Variants in GCNT2 observed in about 807,000 individuals in gnomAD.
The protein encoded by GCNT2 is N-acetyllactosaminide beta-1,6-N-acetylglucosaminyl-transferase.
GCNT2 carries 34 observed loss-of-function variants against 34.2 expected under a neutral mutation model. The ratio of observed to expected loss-of-function variants is 1.00; its 90% confidence interval spans 0.76 to 1.32. GCNT2 has a LOEUF of 1.32. GCNT2 is among the 40% of genes most tolerant of loss of function. The pLI is 0.00. For missense variants in GCNT2, 584 were observed against 489.4 expected (o/e 1.19, Z -1.82); for synonymous variants, 212 against 188.0 (o/e 1.13, Z -1.04).
intron 1 of GCNT2, among the ~76,000 whole-genome samples, chr6:10,526,139 T>C (rs1010937693): frequency 4.6e-5 from 7 of 152,324 alleles, no homozygotes; most frequent in South Asian, 2.1e-4. Context: ...TTTGTATGCG[T>C]TCTGTATTGA....
chr6:10,530,379 A>T (rs918447025), intron 3 of GCNT2: 1 of 153,010 alleles, frequency 6.5e-6, no homozygotes, highest in African/African-American at 2.4e-5. Flanking sequence ...TAAATAAATA[A>T]ATAAAATGTA....
At chr6:10,588,904 G>T (rs1764482215) in intron 3 of GCNT2, among the ~76,000 whole-genome samples, 1 of 106,332 alleles carries the variant, frequency 9.4e-6, no homozygotes, top group South Asian at 3.4e-4. Flanking sequence ...TGTGTTGTGT[G>T]GTGTGTGTGT....
At chr6:10,543,887 T>C (rs1244489301) in intron 3 of GCNT2, among the ~76,000 whole-genome samples, 1 of 152,196 alleles carries the variant, frequency 6.6e-6, no homozygotes, top group East Asian at 1.9e-4. Flanking sequence ...TACATTTGAA[T>C]TTAAAATGGA....
intron 3 of GCNT2, among the ~76,000 whole-genome samples, chr6:10,615,361 C>T (rs909866320): frequency 6.6e-6 from 1 of 152,152 alleles, no homozygotes; most frequent in Non-Finnish European, 1.5e-5. Context: ...GTTACCCAGG[C>T]TAAAGTGCAG....
At chr6:10,550,679 CACT>C (rs1411283128) in intron 3 of GCNT2, among the ~76,000 whole-genome samples, 1 of 152,068 alleles carries the variant, frequency 6.6e-6, no homozygotes, top group African/African-American at 2.4e-5. Flanking sequence ...GACAAGGTCT[CACT>C]ATGTTGCTCA....
intron 3 of GCNT2, among the ~76,000 whole-genome samples, chr6:10,533,195 AC>A (rs1761581566): frequency 6.6e-6 from 1 of 151,476 alleles, no homozygotes; most frequent in South Asian, 2.1e-4. Flanking sequence ...AATCCCAGCT[AC>A]TCGGGAGGCT....
At chr6:10,587,031 A>T in intron 3 of GCNT2, 1 of 789,708 alleles carries the variant, frequency 1.3e-6, no homozygotes, top group Non-Finnish European at 2.1e-6. Flanking sequence ...GAAAACTATT[A>T]GTTTGGTTGC....
intron 3 of GCNT2, among the ~76,000 whole-genome samples, chr6:10,547,335 C>A (rs1762314667): frequency 6.6e-6 from 1 of 152,168 alleles, no homozygotes. Flanking sequence ...CATGGTTATA[C>A]TCATTATGTC....
At chr6:10,535,868 T>A (rs915320735) in intron 3 of GCNT2, among the ~76,000 whole-genome samples, 1 of 152,116 alleles carries the variant, frequency 6.6e-6, no homozygotes, top group African/African-American at 2.4e-5. Context: ...CCTCCCTGCT[T>A]CCAATTTGTT....
intron 1 of GCNT2, among the ~76,000 whole-genome samples, chr6:10,527,033 T>A (rs1322697755): frequency 6.6e-6 from 1 of 152,208 alleles, no homozygotes; most frequent in East Asian, 1.9e-4. Context: ...TGTACCACAT[T>A]CACAGATACA....
intron 3 of GCNT2, among the ~76,000 whole-genome samples, chr6:10,559,666 A>G (rs989809861): frequency 6.6e-6 from 1 of 152,212 alleles, no homozygotes; most frequent in Non-Finnish European, 1.5e-5. Flanking sequence ...AGCGCATCCC[A>G]TTTCCCTTGC....
intron 3 of GCNT2, 145 bp downstream of exon 3, chr6:10,529,981 A>G: frequency 1.5e-6 from 1 of 686,270 alleles, no homozygotes; most frequent in Non-Finnish European, 2.5e-6. Flanking sequence ...TCATCTGTAA[A>G]ATGGTAAAAT....
chr6:10,524,025 G>A (rs1761066523), intron 1 of GCNT2, among the ~76,000 whole-genome samples: 1 of 151,332 alleles, frequency 6.6e-6, no homozygotes, highest in Non-Finnish European at 1.5e-5. Context: ...ATCTGGCTAG[G>A]AAGGAAGCCA....
intron 3 of GCNT2, among the ~76,000 whole-genome samples, chr6:10,597,984 A>G (rs1249038733): frequency 6.6e-6 from 1 of 152,196 alleles, no homozygotes; most frequent in Non-Finnish European, 1.5e-5. Flanking sequence ...TACCCACACT[A>G]TACAATTCTG....
At position 10,529,378 on chromosome 6, in the gene GCNT2, AG is replaced by A; in HGVS notation, c.469del (p.Glu157SerfsTer15). ...CCAAATGCTTTTCTGGCTTCCAAGA[AG>A]GAGTCGGTTGTCTATGGGGGGATCT... ...CFPNAFLASK[K>X]ESVVYGGISR... On this transcript the variant is annotated frameshift_variant, in exon 3 of 5. Transcript: ENST00000495262. LOFTEE classifies it high-confidence loss of function. 1.2e-6 allele frequency: 2 copies of A among 1,614,138 alleles called. No homozygotes were observed. The highest frequency in any genetic ancestry group is 1.7e-6 in the Non-Finnish European group (2 of 1,180,026).
At chr6:10,557,550 A>T (rs1252898729) in intron 3 of GCNT2, among the ~76,000 whole-genome samples, 1 of 151,804 alleles carries the variant, frequency 6.6e-6, no homozygotes, top group Non-Finnish European at 1.5e-5. Context: ...TGCAGGGGCA[A>T]CATCATGGCT....
At chr6:10,591,038 A>G (rs1050749122) in intron 3 of GCNT2, among the ~76,000 whole-genome samples, 1 of 152,180 alleles carries the variant, frequency 6.6e-6, no homozygotes, top group East Asian at 1.9e-4. Context: ...TTCCTCCCAG[A>G]TCGTGTTTCA....
intron 1 of GCNT2, among the ~76,000 whole-genome samples, chr6:10,523,845 C>T (rs1168447133): frequency 1.3e-5 from 2 of 151,380 alleles, no homozygotes; most frequent in African/African-American, 2.4e-5. Flanking sequence ...TGGTGGTGGG[C>T]GCCTGTAGTC....
At chr6:10,581,572 ATTTAT>A (rs1764070321) in intron 3 of GCNT2, 1 of 173,920 alleles carries the variant, frequency 5.7e-6, no homozygotes, top group Admixed American at 6.5e-5. Flanking sequence ...ACCCGGCCTC[ATTTAT>A]TTATTTTTGG....
Sources: gnomAD v4.1 joint callset for allele counts (sites outside exome capture counted in the v4.1 genomes callset) on GRCh38, gnomAD v4.1.1 for gene constraint, MANE v1.5 for transcripts, NCBI Gene and HGNC (gene_info 2026-07-23, HGNC 2026-07-21) for gene names.